PLXNC1: variants seen among roughly 807,000 people sequenced by gnomAD.
The protein encoded by PLXNC1 is plexin C1.
PLXNC1 carries 75 observed loss-of-function variants against 178.2 expected under a neutral mutation model. The observed-to-expected ratio is 0.42, with a 90% CI of 0.35 to 0.51. The LOEUF is 0.51. Among genes scored for constraint, PLXNC1 ranks in the 20% least tolerant of loss-of-function variants. The pLI, the probability that PLXNC1 is intolerant of heterozygous loss-of-function variation, is 0.02. For synonymous variants in PLXNC1, 790 were observed against 779.9 expected, an observed-to-expected ratio of 1.01 and a Z score of -0.22; for missense variants, 1,503 against 1,984.4, an observed-to-expected ratio of 0.76 and a Z score of 4.61.
chr12:94,189,236 G>A (rs562738412), intron 4 of PLXNC1, among the ~76,000 whole-genome samples: 28 of 152,314 alleles, frequency 1.8e-4, no homozygotes, highest in African/African-American at 6.0e-4. Context: ...GGGAGCTGAG[G>A]GAGCATGTAA....
rs568972580 is a variant in PLXNC1 at position 94,163,372 on chromosome 12, A to T, written c.1063-5781A>T. ...GACTCTGTCTCAAAATAATAATAAT[A>T]AAAAAAAGAATCTAGGAAAATGCAG... is the stretch of plus-strand genomic sequence containing the variant. On this transcript the variant is annotated intron_variant, in intron 1 of 30. Transcript: ENST00000258526. Among the ~76,000 whole-genome samples, 3 of 152,128 alleles carry T rather than the reference A, an allele frequency of 2.0e-5. No individual in the cohort carries two copies. The South Asian group carries it at 6.2e-4, about 32-fold the overall frequency.
At chr12:94,218,050 G>A (rs1408472113) in intron 5 of PLXNC1, among the ~76,000 whole-genome samples, 3 of 152,158 alleles carry the variant, frequency 2.0e-5, no homozygotes, top group South Asian at 2.1e-4. Context: ...TTGTTATAAC[G>A]TTTGAGTGTG....
intron 4 of PLXNC1, 32 bp from the exon 5 acceptor site, chr12:94,209,558 G>A (rs779927140): frequency 7.9e-7 from 1 of 1,263,718 alleles, no homozygotes; most frequent in South Asian, 1.2e-5. Flanking sequence ...ACACACGTAT[G>A]GGGTCGCTGT....
At chr12:94,200,060 T>C (rs1426086911) in intron 4 of PLXNC1, among the ~76,000 whole-genome samples, 5 of 152,230 alleles carry the variant, frequency 3.3e-5, no homozygotes, top group Non-Finnish European at 7.3e-5. Flanking sequence ...CCCAAACTGC[T>C]GGGATTACAG....
At chr12:94,219,150 A>C (rs1033137415) in intron 5 of PLXNC1, among the ~76,000 whole-genome samples, 3 of 152,242 alleles carry the variant, frequency 2.0e-5, no homozygotes, top group African/African-American at 7.2e-5. Context: ...AATAGAGATA[A>C]AGCAGGAGAG....
intron 23 of PLXNC1, among the ~76,000 whole-genome samples, chr12:94,286,837 G>A (rs1050439854): frequency 6.6e-6 from 1 of 152,118 alleles, no homozygotes; most frequent in Admixed American, 6.5e-5. Context: ...CAAACAGAGT[G>A]TAGCTGGTCT....
chr12:94,175,249 T>A (rs553881360), intron 2 of PLXNC1, among the ~76,000 whole-genome samples: 246 of 152,220 alleles, frequency 1.6e-3, no homozygotes, highest in Admixed American at 3.9e-3. Context: ...TGGAAAAAAA[T>A]AATAATAAAT....
chr12:94,268,272 C>T (rs1219620107), intron 21 of PLXNC1, among the ~76,000 whole-genome samples: 2 of 152,200 alleles, frequency 1.3e-5, no homozygotes, highest in Non-Finnish European at 1.5e-5. Context: ...ATTTCTTATA[C>T]ATGAAATCAT....
At chr12:94,216,741 G>A (rs1382474343) in intron 5 of PLXNC1, among the ~76,000 whole-genome samples, 1 of 152,178 alleles carries the variant, frequency 6.6e-6, no homozygotes, top group Non-Finnish European at 1.5e-5. Flanking sequence ...TAGCAATAAC[G>A]AATGATTCAG....
chr12:94,212,476 G>GCC (rs1963506864), intron 5 of PLXNC1, among the ~76,000 whole-genome samples: 1 of 91,286 alleles, frequency 1.1e-5, no homozygotes, highest in Non-Finnish European at 2.3e-5. Flanking sequence ...CCCTCCCCCA[G>GCC]CCCCCCACCC....
chr12:94,200,195 A>G (rs1259036890), intron 4 of PLXNC1, among the ~76,000 whole-genome samples: 1 of 152,234 alleles, frequency 6.6e-6, no homozygotes, highest in African/African-American at 2.4e-5. Context: ...CTGACTTCCA[A>G]CAAGCACCAT....
At chr12:94,279,721 T>G in intron 22 of PLXNC1, 72 bp downstream of exon 22, 1 of 1,287,778 alleles carries the variant, frequency 7.8e-7, no homozygotes, top group Non-Finnish European at 1.1e-6. Context: ...TCCCTCCCTG[T>G]CCCCCCTCCC....
intron 22 of PLXNC1, among the ~76,000 whole-genome samples, chr12:94,281,633 C>G (rs1304788153): frequency 6.6e-6 from 1 of 152,074 alleles, no homozygotes; most frequent in Admixed American, 6.5e-5. Flanking sequence ...GTTGCCCAGG[C>G]TGGTCTTGAA....
At chr12:94,159,578 G>A (rs1961300707) in intron 1 of PLXNC1, among the ~76,000 whole-genome samples, 1 of 152,196 alleles carries the variant, frequency 6.6e-6, no homozygotes, top group Admixed American at 6.5e-5. Flanking sequence ...GGCTAGGGAG[G>A]TAGAGGAGAG....
chr12:94,166,109 C>A (rs1343821738), intron 1 of PLXNC1, among the ~76,000 whole-genome samples: 3 of 152,046 alleles, frequency 2.0e-5, no homozygotes, highest in Non-Finnish European at 4.4e-5. Context: ...GGCTTGGGTT[C>A]ATTGCTGTCT....
intron 6 of PLXNC1, among the ~76,000 whole-genome samples, chr12:94,221,915 A>G (rs1963807684): frequency 1.3e-5 from 2 of 152,232 alleles, no homozygotes; most frequent in South Asian, 4.1e-4. Flanking sequence ...ATTGGGTATT[A>G]GATTCCAACT....
intron 3 of PLXNC1, among the ~76,000 whole-genome samples, chr12:94,181,883 T>C (rs1001373767): frequency 1.3e-5 from 2 of 152,232 alleles, no homozygotes; most frequent in East Asian, 3.9e-4. Context: ...AATTTACACA[T>C]TTATTGTGTG....
At chr12:94,165,196 AG>A (rs757726216) in intron 1 of PLXNC1, among the ~76,000 whole-genome samples, 46 of 152,268 alleles carry the variant, frequency 3.0e-4, no homozygotes, top group Middle Eastern at 6.8e-3. Context: ...CTCTGGACAC[AG>A]GGGGCTGACT....
At chr12:94,164,163 A>G (rs1188076015) in intron 1 of PLXNC1, among the ~76,000 whole-genome samples, 2 of 152,168 alleles carry the variant, frequency 1.3e-5, no homozygotes, top group Non-Finnish European at 2.9e-5. Context: ...CTTGGGAAGT[A>G]ACAGAAAATG....
Sources: allele counts gnomAD v4.1 joint callset (sites outside exome capture counted in the v4.1 genomes callset), GRCh38; gene constraint gnomAD v4.1.1; transcripts MANE v1.5; gene names NCBI Gene and HGNC (gene_info 2026-07-23, HGNC 2026-07-21).